TDRD9: variants seen among roughly 807,000 people sequenced by gnomAD.
The protein encoded by TDRD9 is tudor domain containing 9.
In TDRD9, 124 loss-of-function variants were observed where a neutral mutation model predicts 172.6. That is an observed-to-expected ratio of 0.72 (90% CI 0.62 to 0.83). The LOEUF is 0.83. Ranked by LOEUF, TDRD9 falls within the 40% of genes least tolerant of loss-of-function variation. The pLI is 0.00. For synonymous variants in TDRD9, 619 were observed against 617.1 expected (o/e 1.00, Z -0.05); for missense variants, 1,479 against 1,714.1 (o/e 0.86, Z 2.42).
chr14:104,027,584 A>G (rs1407434790), intron 28 of TDRD9, among the ~76,000 whole-genome samples: 1 of 152,208 alleles, frequency 6.6e-6, no homozygotes, highest in Non-Finnish European at 1.5e-5. Context: ...TTGCCACATA[A>G]TCATTGTACA....
intron 34 of TDRD9, among the ~76,000 whole-genome samples, chr14:104,047,281 AT>A (rs2035808326): frequency 1.3e-5 from 2 of 151,680 alleles, no homozygotes; most frequent in Admixed American, 6.6e-5. Flanking sequence ...TTGTTTTTGA[AT>A]TTTTTTTAGA....
intron 24 of TDRD9, 113 bp downstream of exon 24, chr14:104,022,443 C>A: frequency 8.5e-7 from 1 of 1,178,438 alleles, no homozygotes; most frequent in Non-Finnish European, 1.2e-6. Flanking sequence ...AAAGCACTGG[C>A]TTGGCTGGGT....
chr14:103,974,026 T>C (rs974201237), intron 6 of TDRD9, among the ~76,000 whole-genome samples: 1 of 152,058 alleles, frequency 6.6e-6, no homozygotes, highest in African/African-American at 2.4e-5. Flanking sequence ...GGCGAAACCC[T>C]GCCTCTACAA....
chr14:103,958,054 A>G (rs79996715), intron 2 of TDRD9, among the ~76,000 whole-genome samples: 3,523 of 152,262 alleles, frequency 0.023, 77 homozygotes, highest in East Asian at 0.07. Context: ...TGTTCCAGGG[A>G]CTGTATGAGA....
At chr14:103,975,256 T>G (rs775906790) in intron 6 of TDRD9, 133 bp from the exon 7 acceptor site, 40 of 684,774 alleles carry the variant, frequency 5.8e-5, no homozygotes, top group Non-Finnish European at 9.1e-5. Context: ...AGAGATTAAA[T>G]CAGGGTGGTC....
At chr14:104,035,200 ATTG>A (rs1352974365) in intron 32 of TDRD9, 144 bp downstream of exon 32, 12 of 610,420 alleles carry the variant, frequency 2.0e-5, no homozygotes, top group Non-Finnish European at 3.1e-5. Flanking sequence ...TGAAGCCTGT[ATTG>A]TTATTGATTT....
In TDRD9 at chr14:104,044,295, G is replaced by A. The variant is rs189121409; in HGVS notation, c.3974+2108G>A. 1.5e-4 allele frequency among the ~76,000 whole-genome samples: 23 copies of A among 152,212 alleles called. 1 individual carries two copies. The highest frequency in any genetic ancestry group is 1.2e-3 in the Admixed American group (18 of 15,296). Reference sequence around the variant, plus strand: ...CTTCTCCTGGCAGCAGGCAGCAGATGCCACCTGCTTGACTAATATATTAAA... The same window carrying A: ...CTTCTCCTGGCAGCAGGCAGCAGATACCACCTGCTTGACTAATATATTAAA... On this transcript the variant is annotated intron_variant, in intron 34 of 35. Coordinates refer to ENST00000409874, the MANE Select transcript of TDRD9 (RefSeq NM_153046.3).
At chr14:103,965,729 T>G (rs1472500763) in intron 4 of TDRD9, among the ~76,000 whole-genome samples, 175 bp downstream of exon 4, 3 of 151,318 alleles carry the variant, frequency 2.0e-5, no homozygotes, top group Non-Finnish European at 4.4e-5. Flanking sequence ...CGGATCACAT[T>G]AGGTCGGGAG....
At chr14:104,024,546 T>C (rs199851198) in intron 24 of TDRD9, 23 bp from the exon 25 acceptor site, 437 of 1,382,038 alleles carry the variant, frequency 3.2e-4, no homozygotes, top group Admixed American at 9.0e-4. Context: ...ATTTTTATTT[T>C]AATAAAAATT....
chr14:103,939,170 G>T (rs1330164492), intron 1 of TDRD9, among the ~76,000 whole-genome samples: 9 of 152,184 alleles, frequency 5.9e-5, no homozygotes, highest in Admixed American at 2.6e-4. Context: ...GTGTTGTCCA[G>T]TGGCTGCTTG....
chr14:103,946,305 CT>C lies in TDRD9; in HGVS notation c.216-9358del, dbSNP rs34346628. Among the ~76,000 whole-genome samples, 577 of 152,262 alleles carry C rather than the reference CT, an allele frequency of 3.8e-3. 3 individuals carry two copies. Among genetic ancestry groups the C allele is most frequent in the African/African-American group, 0.013 (540 of 41,544 alleles). On this transcript the variant is annotated intron_variant, in intron 1 of 35. Transcript: ENST00000409874. ...TCATTTTGCTACTGAATTAAAAGTT[CT>C]GGGTTATTGATTCATTTTTCTTAAG...
intron 10 of TDRD9, 25 bp downstream of exon 10, chr14:103,994,411 ATTC>A: frequency 2.5e-6 from 4 of 1,610,620 alleles, no homozygotes; most frequent in Non-Finnish European, 3.4e-6. Context: ...ATACAGCTGT[ATTC>A]TTCTAAGCCA....
In TDRD9 at chr14:103,980,310, C is replaced by T. The variant is rs1186526322; in HGVS notation, c.1011+4757C>T. Among the ~76,000 whole-genome samples, 3 of 152,000 alleles carry T rather than the reference C, an allele frequency of 2.0e-5. No individual in the cohort carries two copies. The South Asian group carries it at 6.2e-4, about 31-fold the overall frequency. On this transcript the variant is annotated intron_variant, in intron 7 of 35. Transcript: ENST00000409874. The surrounding 1 kb of genome is among the most constrained non-coding windows in gnomAD (Gnocchi z 4.5). Reference sequence around the variant, plus strand: ...ATTTATTGGATACAAGACAAAGGGGCAGGGTAAGGAGTGTGAGCCATCTCC... The same window carrying T: ...ATTTATTGGATACAAGACAAAGGGGTAGGGTAAGGAGTGTGAGCCATCTCC...
chr14:103,975,681 G>T (rs920636671), intron 7 of TDRD9, 128 bp downstream of exon 7: 1 of 926,364 alleles, frequency 1.1e-6, no homozygotes, highest in Non-Finnish European at 1.5e-6. Context: ...CATACTAAGT[G>T]TACATATTTA....
At position 103,965,562 on chromosome 14, in the gene TDRD9, TGGGA is replaced by T. The variant is rs140364061; in HGVS notation, c.642+21_642+24del. Reference sequence around the variant, plus strand: ...GGTGTGGTGGGCTACCAGGTGAGACTGGGAGGGAGGGAGGGACTAAGAGAGCCAG... The same window carrying T: ...GGTGTGGTGGGCTACCAGGTGAGACTGGGAGGGAGGGACTAAGAGAGCCAG... On this transcript the variant is annotated intron_variant, in intron 4 of 35. Coordinates refer to ENST00000409874, the MANE Select transcript of TDRD9 (RefSeq NM_153046.3). 6.2e-4 allele frequency: 765 copies of T among 1,242,588 alleles called. No homozygotes were observed. Among genetic ancestry groups the T allele is most frequent in the Non-Finnish European group, 7.0e-4 (627 of 893,370 alleles). The allele number at this position is 1,242,588 out of a possible 1,614,324, so 77.0% of individuals were successfully genotyped here. A position where few individuals can be genotyped will look rare whatever the true frequency, so the allele number is the denominator to read the frequency against.
At chr14:104,040,468 C>T in intron 33 of TDRD9, 134 bp downstream of exon 33, 1 of 985,030 alleles carries the variant, frequency 1.0e-6, no homozygotes, top group Non-Finnish European at 1.4e-6. Flanking sequence ...GTGCACGTTC[C>T]TTGTCCCTCC....
chr14:104,001,398 G>A (rs1444711288), intron 13 of TDRD9, among the ~76,000 whole-genome samples: 3 of 152,318 alleles, frequency 2.0e-5, no homozygotes, highest in African/African-American at 4.8e-5. Flanking sequence ...CAAGCTGCAC[G>A]TAGCAGTGGC....
intron 6 of TDRD9, among the ~76,000 whole-genome samples, chr14:103,973,972 C>A (rs950954228): frequency 3.9e-5 from 6 of 152,100 alleles, no homozygotes; most frequent in African/African-American, 1.4e-4. Flanking sequence ...CCGAGGTGGG[C>A]AGATCGCCTG....
At chr14:103,934,723 A>C (rs1057046614) in intron 1 of TDRD9, among the ~76,000 whole-genome samples, 1 of 152,234 alleles carries the variant, frequency 6.6e-6, no homozygotes, top group African/African-American at 2.4e-5. Context: ...CGGAGCTTGC[A>C]GTGAGCTGAG....
Sources: allele counts gnomAD v4.1 joint callset (sites outside exome capture counted in the v4.1 genomes callset), GRCh38; gene constraint gnomAD v4.1.1; non-coding constraint Gnocchi (gnomAD v3.1); transcripts MANE v1.5; gene names NCBI Gene and HGNC (gene_info 2026-07-23, HGNC 2026-07-21).